AKNA: variants seen among roughly 807,000 people sequenced by gnomAD.
The protein encoded by AKNA is AT-hook transcription factor.
A neutral mutation model predicts 138.8 loss-of-function variants in AKNA; 67 were observed. The observed-to-expected ratio is 0.48, with a 90% CI of 0.40 to 0.59. AKNA has a LOEUF of 0.59. Ranked by LOEUF, AKNA falls within the 20% of genes least tolerant of loss-of-function variation. AKNA has a pLI of 0.00. For synonymous variants in AKNA, 737 were observed against 754.4 expected (o/e 0.98, Z 0.38); for missense variants, 1,813 against 1,880.4 (o/e 0.96, Z 0.66).
intron 6 of AKNA, among the ~76,000 whole-genome samples, chr9:114,367,087 C>T (rs1265740390): frequency 3.9e-5 from 6 of 152,106 alleles, no homozygotes; most frequent in Non-Finnish European, 7.4e-5. Context: ...AAACAATTCA[C>T]GGTTACTTGG....
intron 1 of AKNA, among the ~76,000 whole-genome samples, chr9:114,384,834 C>T (rs1833919676): frequency 6.6e-6 from 1 of 151,994 alleles, no homozygotes; most frequent in African/African-American, 2.4e-5. Context: ...ACTCCTAACC[C>T]CTGTATTATT....
chr9:114,362,523 C>A lies in AKNA; in HGVS notation c.1799G>T (p.Arg600Leu). ...TAGGGCCGCGTGGGCAGCCTTCAGC[C>A]GCTGGAAGCCCTGAAACCAGACCAG... ...MPQDQVKGFQ[R>L]LKAAHAALEE... Residue 600 changes from arginine to leucine, a missense_variant, in exon 8 of 22, where the codon CGG (arginine) becomes CTG (leucine). Arg to Leu is a moderately radical substitution (Grantham distance 102). Transcript: ENST00000374088. 1 of 1,613,030 alleles carries A rather than the reference C, an allele frequency of 6.2e-7. No individual in the cohort carries two copies. Among genetic ancestry groups the A allele is most frequent in the Non-Finnish European group, 8.5e-7 (1 of 1,179,742 alleles).
chr9:114,330,761 T>C (rs375038850), downstream of AKNA: 54 of 1,610,428 alleles, frequency 3.4e-5, no homozygotes, highest in Non-Finnish European at 4.3e-5. Flanking sequence ...ATAACATTAC[T>C]GTTTTTCTTC....
rs757099311 is a variant in AKNA at position 114,367,256 on chromosome 9, G to A, written c.1728+287C>T. Among the ~76,000 whole-genome samples the A allele has an allele frequency of 2.6e-5, 4 of 152,082 alleles. No individual in the cohort carries two copies. The East Asian group carries it at 5.8e-4, about 22-fold the overall frequency. ...ATCCTGAAAGAGCTCAGAGTTTCCCGGGAGCCAGCCTAGAGACACTTCCAA... is the reference window on the plus strand; with the variant it reads ...ATCCTGAAAGAGCTCAGAGTTTCCCAGGAGCCAGCCTAGAGACACTTCCAA... On this transcript the variant is annotated intron_variant, in intron 6 of 21. Coordinates refer to ENST00000374088, the MANE Select transcript of AKNA (RefSeq NM_001317950.2).
In AKNA at chr9:114,336,195, G is replaced by C. The variant is rs868786888; in HGVS notation, c.*859C>G. The C allele has an allele frequency of 6.6e-6, 1 of 152,556 alleles. No homozygotes were observed. The highest frequency in any genetic ancestry group is 2.4e-5 in the African/African-American group (1 of 41,408). The allele number at this position is 152,556 out of a possible 1,614,324, so 9.5% of individuals were successfully genotyped here. The stretch of plus-strand genomic sequence containing the variant: ...CAATATTCATTCTTCATTTGCCCTC[G>C]TAACGAAAATAGATTTTTAAATGCC... On this transcript the variant is annotated 3_prime_UTR_variant, in exon 22 of 22. Transcript: ENST00000374088.
At chr9:114,358,250 C>T (rs1249581606) in intron 11 of AKNA, 83 bp from the exon 12 acceptor site, 2 of 1,574,362 alleles carry the variant, frequency 1.3e-6, no homozygotes, top group Admixed American at 1.8e-5. Flanking sequence ...AGCCAAGCAG[C>T]CCAGGGCACA....
chr9:114,354,932 G>T (rs1475969584), intron 14 of AKNA, among the ~76,000 whole-genome samples: 1 of 147,410 alleles, frequency 6.8e-6, no homozygotes, highest in Non-Finnish European at 1.5e-5. Context: ...GCAGTGGTGC[G>T]ATCTTGGCTC....
At chr9:114,375,504 G>A (rs938699289) in intron 3 of AKNA, among the ~76,000 whole-genome samples, 1 of 152,158 alleles carries the variant, frequency 6.6e-6, no homozygotes, top group Admixed American at 6.5e-5. Context: ...ATCTGAATGC[G>A]GGTGTGATAT....
chr9:114,393,515 G>A (rs896068698), intron 1 of AKNA, among the ~76,000 whole-genome samples: 11 of 151,882 alleles, frequency 7.2e-5, no homozygotes, highest in African/African-American at 1.5e-4. Context: ...GTGAGCCACC[G>A]TGCCCGGCCC....
intron 2 of AKNA, among the ~76,000 whole-genome samples, chr9:114,378,227 C>G (rs59506038): frequency 0.027 from 4,097 of 152,308 alleles, 64 homozygotes; most frequent in Non-Finnish European, 0.042. Context: ...ATCCCTCTGC[C>G]GAGGGATTCT....
upstream of AKNA, among the ~76,000 whole-genome samples, chr9:114,396,340 G>A (rs1834532381): frequency 6.6e-6 from 1 of 152,106 alleles, no homozygotes; most frequent in African/African-American, 2.4e-5. Context: ...TTAGAATGTG[G>A]ACTGAGCAAA....
intron 15 of AKNA, chr9:114,348,963 CAGA>C (rs766246134): frequency 3.5e-4 from 160 of 456,278 alleles, no homozygotes; most frequent in Non-Finnish European, 5.3e-4. Flanking sequence ...ATGACTGTGT[CAGA>C]AGGAGTGGAG....
In AKNA at chr9:114,337,233, C is replaced by G; in HGVS notation, c.4141G>C (p.Ala1381Pro). Residue 1381 changes from alanine to proline, a missense_variant, in exon 22 of 22, where the codon GCC becomes CCC. Transcript: ENST00000374088. ...TGGATGGAGTGCCGGTGTCTCCGGG[C>G]TGGTGGGGGAGAGGCTGTGGGCGGC... ...KWPPTASPPP[A>P]RRHRHSIQLD... 1 of 1,576,098 alleles carries G rather than the reference C, an allele frequency of 6.3e-7. No homozygotes were observed. The highest frequency in any genetic ancestry group is 8.7e-7 in the Non-Finnish European group (1 of 1,153,740).
At chr9:114,397,115 G>A (rs1232582316), upstream of AKNA, among the ~76,000 whole-genome samples, 1 of 152,186 alleles carries the variant, frequency 6.6e-6, no homozygotes, top group African/African-American at 2.4e-5. Flanking sequence ...CAAACCGGCT[G>A]GACTTTAGGA....
chr9:114,385,857 G>A (rs1353745173), intron 1 of AKNA, among the ~76,000 whole-genome samples: 2 of 152,246 alleles, frequency 1.3e-5, no homozygotes, highest in African/African-American at 4.8e-5. Flanking sequence ...CTGGGACGAT[G>A]CTGTGATAGA....
chr9:114,340,256 G>A (rs1347768344), intron 21 of AKNA, among the ~76,000 whole-genome samples: 1 of 152,158 alleles, frequency 6.6e-6, no homozygotes, highest in Non-Finnish European at 1.5e-5. Context: ...CAGGCTTCTG[G>A]CAACACAGCC....
At chr9:114,357,655 T>C (rs907699275) in intron 12 of AKNA, among the ~76,000 whole-genome samples, 2 of 152,194 alleles carry the variant, frequency 1.3e-5, no homozygotes, top group Admixed American at 1.3e-4. Context: ...AACTAGTCTC[T>C]CCAGCTGTGA....
chr9:114,330,942 C>G (rs1369598692), downstream of AKNA: 5 of 1,185,020 alleles, frequency 4.2e-6, no homozygotes, highest in African/African-American at 7.8e-5. Flanking sequence ...GATGTAGAGC[C>G]CTGGAGGCTT....
intron 3 of AKNA, 114 bp from the exon 4 acceptor site, chr9:114,374,281 G>T: frequency 9.8e-7 from 1 of 1,023,940 alleles, no homozygotes; most frequent in Non-Finnish European, 1.5e-6. Context: ...TTCCTGAGAG[G>T]AAAGCATTCA....
Sources: allele counts gnomAD v4.1 joint callset (sites outside exome capture counted in the v4.1 genomes callset), GRCh38; gene constraint gnomAD v4.1.1; transcripts MANE v1.5; gene names NCBI Gene and HGNC (gene_info 2026-07-23, HGNC 2026-07-21).